EIF2B3: variants seen among roughly 807,000 people sequenced by gnomAD.
The protein encoded by EIF2B3 is eukaryotic translation initiation factor 2B subunit gamma, also known as translation initiation factor eIF2B subunit gamma.
Under a neutral mutation model 54.1 loss-of-function variants are expected in EIF2B3, and 20 were observed. That is an observed-to-expected ratio of 0.37 (90% CI 0.26 to 0.54). EIF2B3 has a LOEUF of 0.54. EIF2B3 is among the 20% of genes least tolerant of loss of function. EIF2B3 has a pLI of 0.86. For synonymous variants in EIF2B3, 153 were observed against 188.1 expected (o/e 0.81, Z 1.52); for missense variants, 448 against 547.8 (o/e 0.82, Z 1.82).
At chr1:44,892,257 T>C (rs1472751812) in intron 6 of EIF2B3, among the ~76,000 whole-genome samples, 2 of 152,124 alleles carry the variant, frequency 1.3e-5, no homozygotes, top group East Asian at 1.9e-4. Context: ...TCTTTACCCA[T>C]AAACACACAG....
chr1:44,884,781 A>C (rs1655521645), intron 6 of EIF2B3, among the ~76,000 whole-genome samples: 1 of 152,198 alleles, frequency 6.6e-6, no homozygotes, highest in Non-Finnish European at 1.5e-5. Flanking sequence ...TGATATTTAC[A>C]TTACAGACCA....
intron 3 of EIF2B3, among the ~76,000 whole-genome samples, chr1:44,944,640 A>C (rs1644077391): frequency 6.6e-6 from 1 of 152,118 alleles, no homozygotes; most frequent in South Asian, 2.1e-4. Context: ...AAATACATAA[A>C]ACATTTTTTA....
intron 6 of EIF2B3, among the ~76,000 whole-genome samples, chr1:44,896,547 T>C (rs984180377): frequency 6.6e-6 from 1 of 152,256 alleles, no homozygotes; most frequent in African/African-American, 2.4e-5. Flanking sequence ...CTCTTGCTAC[T>C]GTGGTATCTG....
chr1:44,871,859 T>C (rs1238521850), intron 10 of EIF2B3, among the ~76,000 whole-genome samples: 1 of 151,262 alleles, frequency 6.6e-6, no homozygotes, highest in East Asian at 1.9e-4. Context: ...GATATGCTCT[T>C]TCATACTTCA....
At chr1:44,927,000 T>C (rs1266342170) in intron 4 of EIF2B3, among the ~76,000 whole-genome samples, 2 of 150,426 alleles carry the variant, frequency 1.3e-5, no homozygotes, top group Non-Finnish European at 1.5e-5. Context: ...CCGAGTGTGG[T>C]GTTACGCCCT....
At chr1:44,867,038 C>T (rs1221032485) in intron 10 of EIF2B3, among the ~76,000 whole-genome samples, 1 of 152,174 alleles carries the variant, frequency 6.6e-6, no homozygotes, top group Non-Finnish European at 1.5e-5. Flanking sequence ...CAGTTGAGTG[C>T]AGGTGAAGGG....
At chr1:44,970,978 T>C (rs571392428) in intron 3 of EIF2B3, among the ~76,000 whole-genome samples, 2 of 152,116 alleles carry the variant, frequency 1.3e-5, no homozygotes, top group African/African-American at 2.4e-5. Context: ...AGAGATTCTG[T>C]GTAAATGATG....
At chr1:44,852,553 G>A (rs1573673728) in intron 11 of EIF2B3, among the ~76,000 whole-genome samples, 2 of 152,072 alleles carry the variant, frequency 1.3e-5, no homozygotes, top group East Asian at 3.9e-4. Context: ...GCCAAAGCAG[G>A]TGGATCACCT....
chr1:44,889,212 G>A (rs150556230), intron 6 of EIF2B3, among the ~76,000 whole-genome samples: 85 of 152,284 alleles, frequency 5.6e-4, no homozygotes, highest in Middle Eastern at 6.8e-3. Context: ...GGCTAGAGTC[G>A]GGTAATAAGA....
chr1:44,958,485 T>C, intron 3 of EIF2B3: 1 of 825,352 alleles, frequency 1.2e-6, no homozygotes, highest in African/African-American at 1.7e-5. Context: ...AAATCCTGGA[T>C]ATACAGTAGA....
At chr1:44,866,743 C>T (rs1244598974) in intron 10 of EIF2B3, among the ~76,000 whole-genome samples, 1 of 152,090 alleles carries the variant, frequency 6.6e-6, no homozygotes, top group South Asian at 2.1e-4. Flanking sequence ...TTAGTAGAGA[C>T]GGGGTTTCAC....
intron 6 of EIF2B3, among the ~76,000 whole-genome samples, chr1:44,883,176 G>C (rs1042643114): frequency 6.6e-6 from 1 of 151,692 alleles, no homozygotes; most frequent in African/African-American, 2.4e-5. Context: ...GACCTCAGGT[G>C]ATCCGCTTGC....
At chr1:44,874,508 C>T in intron 10 of EIF2B3, 170 bp downstream of exon 10, 8 of 676,258 alleles carry the variant, frequency 1.2e-5, no homozygotes, top group South Asian at 2.2e-5. Flanking sequence ...AATAAATTTC[C>T]TAGTAAAGTT....
intron 4 of EIF2B3, among the ~76,000 whole-genome samples, chr1:44,929,205 G>C (rs1643877006): frequency 6.6e-6 from 1 of 152,100 alleles, no homozygotes. Context: ...TCTTTACATA[G>C]GAGAAACAGA....
intron 10 of EIF2B3, among the ~76,000 whole-genome samples, chr1:44,862,644 G>T (rs533734416): frequency 6.6e-6 from 1 of 152,086 alleles, no homozygotes; most frequent in Non-Finnish European, 1.5e-5. Flanking sequence ...ATTATTTTTT[G>T]AGATGGAGTC....
chr1:44,879,672 G>C lies in EIF2B3; in HGVS notation c.975+146C>G, dbSNP rs1364836513. The C allele has an allele frequency of 3.3e-6, 3 of 903,406 alleles. No individual in the cohort carries two copies. The East Asian group carries it at 7.9e-5, about 24-fold the overall frequency. The allele number at this position is 903,406 out of a possible 1,614,324, so 56.0% of individuals were successfully genotyped here. A position where few individuals can be genotyped will look rare whatever the true frequency, so the allele number is the denominator to read the frequency against. ...TTTGCTGCACCTGAGTACCCTAGTA[G>C]TCTCCCTTGACGTGCCAGGTCTTGC... On this transcript the variant is annotated intron_variant, in intron 8 of 11. Transcript: ENST00000360403.
intron 10 of EIF2B3, among the ~76,000 whole-genome samples, chr1:44,870,810 G>A (rs1343507407): frequency 1.3e-5 from 2 of 151,952 alleles, no homozygotes; most frequent in Non-Finnish European, 2.9e-5. Flanking sequence ...GTGCCACCAC[G>A]CCCAGCTAAT....
At chr1:44,933,622 A>T (rs994241916) in intron 4 of EIF2B3, among the ~76,000 whole-genome samples, 1 of 152,148 alleles carries the variant, frequency 6.6e-6, no homozygotes, top group Non-Finnish European at 1.5e-5. Flanking sequence ...AATTTTGGGC[A>T]TATAAAACTT....
chr1:44,854,813 T>G (rs1374955425), intron 11 of EIF2B3, among the ~76,000 whole-genome samples: 2 of 151,896 alleles, frequency 1.3e-5, no homozygotes, highest in Non-Finnish European at 2.9e-5. Flanking sequence ...GGTCTCGAAC[T>G]CTTGACCACA....
Sources: allele counts gnomAD v4.1 joint callset (sites outside exome capture counted in the v4.1 genomes callset), GRCh38; gene constraint gnomAD v4.1.1; transcripts MANE v1.5; gene names NCBI Gene and HGNC (gene_info 2026-07-23, HGNC 2026-07-21).